The following ZNF76 variants were observed in gnomAD, a reference collection of about 807,000 sequenced individuals.
ZNF76 encodes zinc finger protein 523.
Under a neutral mutation model 66.9 loss-of-function variants are expected in ZNF76, and 66 were observed. The ratio of observed to expected loss-of-function variants is 0.99; its 90% CI spans 0.81 to 1.21. The LOEUF (loss-of-function observed/expected upper bound fraction) is 1.21. Among genes scored for constraint, ZNF76 ranks in the 50% most tolerant of loss-of-function variants. The probability of loss-of-function intolerance (pLI) is 0.00; values close to 1 mark genes in which losing one functional copy is unlikely to be tolerated. For synonymous variants in ZNF76, 275 were observed against 296.1 expected (o/e 0.93, Z 0.73); for missense variants, 729 against 760.3 (o/e 0.96, Z 0.48).
rs1790680372 is a variant in ZNF76, at chr6:35,293,145, A to G, written c.1329+101A>G. On this transcript the variant is annotated intron_variant, in intron 11 of 13. Transcript: ENST00000373953. ...AGTTCTGACAGCCCCACTGCCACCC[A>G]GCTTCTTGTTTAAGTTTTATAGACT... is the stretch of plus-strand genomic sequence containing the variant. 7 of 1,408,810 alleles carry G rather than the reference A, an allele frequency of 5.0e-6. No homozygotes were observed. The South Asian group carries it at 8.3e-5, about 17-fold the overall frequency. The allele number at this position is 1,408,810 out of a possible 1,614,324, so 87.3% of individuals were successfully genotyped here.
At chr6:35,282,944 TG>T (rs1788992409) in intron 2 of ZNF76, among the ~76,000 whole-genome samples, 2 of 152,190 alleles carry the variant, frequency 1.3e-5, no homozygotes, top group African/African-American at 4.8e-5. Context: ...AGAATGCTTT[TG>T]AAGCCTGAAA....
In ZNF76 at chr6:35,286,303, G is replaced by A. The variant is rs1468101854; in HGVS notation, c.155-19G>A. ...TGGCACTGAGCTCCAGGGAAAGGCA[G>A]GCATTGCTCTCGTTACAGAAGCTCT... On this transcript the variant is annotated intron_variant, in intron 3 of 13. Transcript: ENST00000373953. 1.2e-6 allele frequency: 2 copies of A among 1,614,146 alleles called. No individual in the cohort carries two copies. The highest frequency in any genetic ancestry group is 1.7e-6 in the Non-Finnish European group (2 of 1,179,982).
At chr6:35,295,083 C>CA in intron 13 of ZNF76, 61 bp from the exon 14 acceptor site, 1 of 1,362,634 alleles carries the variant, frequency 7.3e-7, no homozygotes, top group Admixed American at 2.0e-5. Context: ...ATATTACTAA[C>CA]ACTGGAATCT....
At chr6:35,288,160 C>A (rs1215461618) in intron 5 of ZNF76, 2 of 559,966 alleles carry the variant, frequency 3.6e-6, no homozygotes, top group Admixed American at 2.2e-5. Flanking sequence ...AGGAGTTAGG[C>A]CCAGCTTCAC....
rs1278633469 is a variant in ZNF76, at chr6:35,292,024, T to C, written c.931+287T>C. The C allele has an allele frequency of 3.9e-6, 2 of 518,268 alleles. No individual in the cohort carries two copies. The highest frequency in any genetic ancestry group is 6.4e-5 in the Admixed American group (2 of 31,088). 32.1% of individuals were successfully genotyped at this position (518,268 alleles called of 1,614,324 possible). On this transcript the variant is annotated intron_variant, in intron 9 of 13. Coordinates refer to ENST00000373953, the MANE Select transcript of ZNF76 (RefSeq NM_003427.5). This position sits in a 1 kb window ranked among gnomAD's most constrained non-coding sequence, Gnocchi z 4.7. ...CTGAGTTCTCCAACTCTGACTGAACTCTTGAAAAGAGGCCAGGGTCAGGAA... is the reference window on the plus strand; with the variant it reads ...CTGAGTTCTCCAACTCTGACTGAACCCTTGAAAAGAGGCCAGGGTCAGGAA...
chr6:35,291,317 A>G lies in ZNF76; in HGVS notation c.665A>G (p.Glu222Gly). The G allele has an allele frequency of 1.2e-6, 2 of 1,613,758 alleles. No individual in the cohort carries two copies. Among genetic ancestry groups the G allele is most frequent in the Non-Finnish European group, 1.7e-6 (2 of 1,179,828 alleles). ...LKSHVRTHTG[E>G]KPYKCPEELC... ...AGCCACGTTCGTACCCACACTGGTG[A>G]GAAACCATACAAGTGCCCAGAGGAG... Residue 222 changes from glutamate (E) to glycine (G), a missense_variant, in exon 8 of 14, where the codon GAG becomes GGG. Transcript: ENST00000373953.
At chr6:35,285,551 G>C (rs1789438627) in intron 2 of ZNF76, among the ~76,000 whole-genome samples, 1 of 152,174 alleles carries the variant, frequency 6.6e-6, no homozygotes, top group African/African-American at 2.4e-5. Flanking sequence ...GCACAGAGAG[G>C]TTAGTTAAAT....
chr6:35,290,875 C>T (rs914525767), intron 7 of ZNF76, 159 bp downstream of exon 7: 12 of 706,368 alleles, frequency 1.7e-5, no homozygotes, highest in Non-Finnish European at 2.4e-5. Flanking sequence ...AACCTTGTTA[C>T]GGGAGTGCAA....
In ZNF76 at chr6:35,287,202, T is replaced by A. The variant is rs1480442829; in HGVS notation, c.233-444T>A. Among the ~76,000 whole-genome samples the A allele has an allele frequency of 6.6e-6, 1 of 152,068 alleles. No homozygotes were observed. Among genetic ancestry groups the A allele is most frequent in the African/African-American group, 2.4e-5 (1 of 41,388 alleles). On this transcript the variant is annotated intron_variant, in intron 4 of 13. Coordinates refer to ENST00000373953, the MANE Select transcript of ZNF76 (RefSeq NM_003427.5). This position sits in a 1 kb window ranked among gnomAD's most constrained non-coding sequence, Gnocchi z 4.0. ...AAGACAGGGCTGGTGCACTCTGGGT[T>A]TGAGTGTCAGGGTGAGGATTTTGGT...
chr6:35,271,168 C>G (rs1293140228), intron 1 of ZNF76, among the ~76,000 whole-genome samples: 1 of 152,192 alleles, frequency 6.6e-6, no homozygotes, highest in Non-Finnish European at 1.5e-5. Flanking sequence ...CCATAGATAA[C>G]CTTGGACATG....
intron 2 of ZNF76, among the ~76,000 whole-genome samples, chr6:35,284,565 A>AT (rs1056116068): frequency 1.3e-5 from 2 of 151,460 alleles, no homozygotes; most frequent in Non-Finnish European, 2.9e-5. Context: ...CACCCAGCTA[A>AT]TTTTTTTGTA....
In ZNF76 at chr6:35,291,052, C is replaced by CT. The variant is rs1300555999; in HGVS notation, c.626-225dup. 11 of 615,768 alleles carry CT rather than the reference C, an allele frequency of 1.8e-5. No individual in the cohort carries two copies. In the East Asian group the frequency reaches 2.2e-4, roughly 12 times the overall value. The allele number at this position is 615,768 out of a possible 1,614,324, so 38.1% of individuals were successfully genotyped here. A position where few individuals can be genotyped will look rare whatever the true frequency, so the allele number is the denominator to read the frequency against. ...ACTAGTACCTTTAGCCATGAGTTCTCTAAGTTTCTTTTCATGCTCATGTTC... is the reference window on the plus strand; with the variant it reads ...ACTAGTACCTTTAGCCATGAGTTCTCTTAAGTTTCTTTTCATGCTCATGTTC... On this transcript the variant is annotated intron_variant, in intron 7 of 13. Coordinates refer to ENST00000373953, the MANE Select transcript of ZNF76 (RefSeq NM_003427.5).
At chr6:35,294,247 CA>C in intron 12 of ZNF76, 1 of 589,686 alleles carries the variant, frequency 1.7e-6, no homozygotes. Flanking sequence ...TTCTGTGATT[CA>C]AAATCCCTAA....
Position 35,288,110 on chromosome 6 carries a change from A to G in ZNF76, c.432+265A>G, listed in dbSNP as rs140610755. 598 of 649,546 alleles carry G rather than the reference A, an allele frequency of 9.2e-4. 3 individuals are homozygous for G. In the African/African-American group the frequency reaches 9.4e-3, roughly 10 times the overall value. The allele number at this position is 649,546 out of a possible 1,614,324, so 40.2% of individuals were successfully genotyped here. A position where few individuals can be genotyped will look rare whatever the true frequency, so the allele number is the denominator to read the frequency against. ...ACTTTTGTTTACGCTGTCTTTGCAG[A>G]GGGAAAGCTGCCATAAGAAACAGTG... On this transcript the variant is annotated intron_variant, in intron 5 of 13. Coordinates refer to ENST00000373953, the MANE Select transcript of ZNF76 (RefSeq NM_003427.5).
intron 2 of ZNF76, among the ~76,000 whole-genome samples, chr6:35,284,153 G>A (rs1004371825): frequency 1.2e-4 from 18 of 150,828 alleles, no homozygotes; most frequent in African/African-American, 3.2e-4. Context: ...GTGCAGTGGC[G>A]TGATCTCGGC....
intron 12 of ZNF76, 117 bp downstream of exon 12, chr6:35,294,032 A>G: frequency 1.6e-6 from 2 of 1,255,216 alleles, no homozygotes; most frequent in Non-Finnish European, 2.2e-6. Flanking sequence ...ATTCCCCACA[A>G]AAGAAGGGGT....
chr6:35,286,580 A>C, intron 4 of ZNF76, 181 bp downstream of exon 4: 1 of 642,032 alleles, frequency 1.6e-6, no homozygotes. Flanking sequence ...TGCAGACCAC[A>C]GGAGCAGCTA....
At chr6:35,261,706 G>A (rs562896562) in intron 1 of ZNF76, among the ~76,000 whole-genome samples, 22 of 152,056 alleles carry the variant, frequency 1.4e-4, no homozygotes, top group African/African-American at 5.1e-4. Context: ...ACATCAGCTC[G>A]TTCCTTGATC....
chr6:35,295,424 G>C lies in ZNF76; in HGVS notation c.*176G>C, dbSNP rs1169083165. 3.0e-6 allele frequency: 2 copies of C among 667,720 alleles called. No homozygotes were observed. The highest frequency in any genetic ancestry group is 1.8e-5 in the African/African-American group (1 of 56,476). 41.4% of individuals were successfully genotyped at this position (667,720 alleles called of 1,614,324 possible). On this transcript the variant is annotated 3_prime_UTR_variant, in exon 14 of 14. Transcript: ENST00000373953. ...AGGGAATGGGGGCCCTGCTCAAGAA[G>C]GGGGCCAGGCAGCTGGAATCAGGGG...
Sources: allele counts gnomAD v4.1 joint callset (sites outside exome capture counted in the v4.1 genomes callset), GRCh38; gene constraint gnomAD v4.1.1; non-coding constraint Gnocchi (gnomAD v3.1); transcripts MANE v1.5; gene names NCBI Gene and HGNC (gene_info 2026-07-23, HGNC 2026-07-21).